The following PSME4 variants were observed in gnomAD, a reference collection of about 807,000 sequenced individuals.
PSME4 encodes proteasome activator complex subunit 4.
Under a neutral mutation model 253.9 loss-of-function variants are expected in PSME4, and 89 were observed. The ratio of observed to expected loss-of-function variants is 0.35; its 90% CI spans 0.30 to 0.42. The LOEUF (loss-of-function observed/expected upper bound fraction) is 0.42, where lower values mean the gene tolerates loss of function less well. Ranked by LOEUF, PSME4 falls within the 10% of genes least tolerant of loss-of-function variation. The pLI is 1.00. For missense variants in PSME4, 2,014 were observed against 2,195.2 expected, an observed-to-expected ratio of 0.92 and a Z score of 1.65; for synonymous variants, 851 against 759.2, an observed-to-expected ratio of 1.12 and a Z score of -1.99.
chr2:53,871,323 T>A (rs1373554002), intron 43 of PSME4, among the ~76,000 whole-genome samples: 1 of 152,046 alleles, frequency 6.6e-6, no homozygotes, highest in East Asian at 1.9e-4. Flanking sequence ...CGATCTTGGC[T>A]CACTGCAAGC....
Position 53,906,551 on chromosome 2 carries a change from T to C in PSME4, c.2943+47A>G, listed in dbSNP as rs368572594. The C allele has an allele frequency of 1.9e-5, 27 of 1,455,484 alleles. No individual in the cohort carries two copies. The African/African-American group carries it at 2.6e-4, about 14-fold the overall frequency. The allele number at this position is 1,455,484 out of a possible 1,614,324, so 90.2% of individuals were successfully genotyped here. A position where few individuals can be genotyped will look rare whatever the true frequency, so the allele number is the denominator to read the frequency against. Reference sequence around the variant, plus strand: ...AAAAGGGGGATATTAAGATTGCATGTAATAAAATGGGAGGGCATGAGAGTG... The same window carrying C: ...AAAAGGGGGATATTAAGATTGCATGCAATAAAATGGGAGGGCATGAGAGTG... On this transcript the variant is annotated intron_variant, in intron 26 of 46. Transcript: ENST00000404125.
chr2:53,922,580 A>G lies in PSME4; in HGVS notation c.1983T>C (p.Asp661=), dbSNP rs1668375444. The change falls in exon 17 of 47, where the codon GAT becomes GAC. Residue 661 remains aspartate (D), a synonymous_variant. Transcript: ENST00000404125. ...CSVITQLTMN[D]DVLNDEELDK... Reference sequence around the variant, plus strand: ...CTAGCTCTTCATCATTTAATACATCATCATCTAAAAACAGCAAAATACTAT... The same window carrying G: ...CTAGCTCTTCATCATTTAATACATCGTCATCTAAAAACAGCAAAATACTAT... 1 of 1,612,238 alleles carries G rather than the reference A, an allele frequency of 6.2e-7. No individual in the cohort carries two copies. The highest frequency in any genetic ancestry group is 8.5e-7 in the Non-Finnish European group (1 of 1,179,418).
intron 43 of PSME4, chr2:53,869,859 A>C: frequency 5.9e-6 from 1 of 169,670 alleles, no homozygotes; most frequent in Non-Finnish European, 1.3e-5. Flanking sequence ...AGAACCTGAC[A>C]TTAAGATCAA....
At chr2:53,964,180 A>G (rs1670613832) in intron 1 of PSME4, among the ~76,000 whole-genome samples, 1 of 152,230 alleles carries the variant, frequency 6.6e-6, no homozygotes, top group African/African-American at 2.4e-5. Context: ...TCTGGAAAAC[A>G]GTAAGGGCCT....
chr2:53,936,829 TA>T lies in PSME4; in HGVS notation c.696-3del. 1 of 1,585,372 alleles carries T rather than the reference TA, an allele frequency of 6.3e-7. No homozygotes were observed. The highest frequency in any genetic ancestry group is 8.6e-7 in the Non-Finnish European group (1 of 1,166,026). On this transcript the variant is annotated splice_region_variant and splice_polypyrimidine_tract_variant and intron_variant, in intron 5 of 46. Coordinates refer to ENST00000404125, the MANE Select transcript of PSME4 (RefSeq NM_014614.3). ...CCAATTAATTCATCAAACCAAAGTC[TA>T]AAGAAGAAAAATGTTGTTATGAATA... is the stretch of plus-strand genomic sequence containing the variant.
intron 26 of PSME4, among the ~76,000 whole-genome samples, chr2:53,905,623 G>A (rs1342279109): frequency 1.3e-5 from 2 of 152,130 alleles, no homozygotes; most frequent in African/African-American, 4.8e-5. Context: ...GATCGCTTGA[G>A]CTCAAGCCCA....
chr2:53,885,167 CCT>C (rs928251546), intron 41 of PSME4, among the ~76,000 whole-genome samples: 4 of 152,154 alleles, frequency 2.6e-5, no homozygotes, highest in African/African-American at 4.8e-5. Flanking sequence ...AGCTGCATCC[CCT>C]GAGTAGATGA....
chr2:53,925,140 T>G (rs1385453139), intron 14 of PSME4, among the ~76,000 whole-genome samples: 17 of 152,172 alleles, frequency 1.1e-4, no homozygotes. Context: ...TTGACATTTT[T>G]AAACAGCAGA....
intron 43 of PSME4, among the ~76,000 whole-genome samples, 180 bp downstream of exon 43, chr2:53,874,159 T>C (rs993405583): frequency 2.0e-5 from 3 of 152,146 alleles, no homozygotes; most frequent in South Asian, 2.1e-4. Flanking sequence ...ACAGTCTTGC[T>C]ACGTTGTCCA....
intron 20 of PSME4, 41 bp from the exon 21 acceptor site, chr2:53,910,171 A>G (rs1255083549): frequency 6.7e-7 from 1 of 1,484,212 alleles, no homozygotes; most frequent in Non-Finnish European, 9.4e-7. Context: ...TAATAATACC[A>G]ATATGAAGTA....
intron 43 of PSME4, among the ~76,000 whole-genome samples, chr2:53,872,898 A>T (rs967341463): frequency 6.5e-4 from 49 of 74,860 alleles, no homozygotes; most frequent in African/African-American, 1.7e-3. Context: ...TAAGAAATTA[A>T]AAAAAAAAAA....
At chr2:53,892,374 C>T (rs183792105) in intron 36 of PSME4, among the ~76,000 whole-genome samples, 6 of 152,170 alleles carry the variant, frequency 3.9e-5, no homozygotes, top group African/African-American at 1.4e-4. Flanking sequence ...GAGAGTCAAA[C>T]TCCAACTGTC....
At chr2:53,922,009 A>C (rs1368249798) in intron 17 of PSME4, among the ~76,000 whole-genome samples, 1 of 150,820 alleles carries the variant, frequency 6.6e-6, no homozygotes, top group Non-Finnish European at 1.5e-5. Context: ...CGTCTCTACT[A>C]AAAATACAAA....
chr2:53,896,390 T>C (rs964647893), intron 32 of PSME4, among the ~76,000 whole-genome samples: 2 of 152,176 alleles, frequency 1.3e-5, no homozygotes, highest in African/African-American at 4.8e-5. Context: ...TTAAATGCAA[T>C]GTTTTAATCC....
intron 1 of PSME4, among the ~76,000 whole-genome samples, chr2:53,961,153 T>G (rs896575958): frequency 6.6e-6 from 1 of 152,138 alleles, no homozygotes; most frequent in East Asian, 1.9e-4. Flanking sequence ...AATACAGAAG[T>G]AGTCAACCTC....
At chr2:53,893,095 T>C (rs1679983986) in intron 35 of PSME4, 135 bp from the exon 36 acceptor site, 4 of 635,258 alleles carry the variant, frequency 6.3e-6, no homozygotes, top group Admixed American at 3.6e-5. Context: ...GCTTTAACAA[T>C]TGCGGTAAGT....
chr2:53,870,725 G>A (rs1052402147), intron 43 of PSME4: 1 of 151,930 alleles, frequency 6.6e-6, no homozygotes, highest in African/African-American at 2.4e-5. Context: ...CATATTCTCA[G>A]TACTATGCTA....
At chr2:53,962,935 AG>A (rs773290291) in intron 1 of PSME4, among the ~76,000 whole-genome samples, 37 of 151,868 alleles carry the variant, frequency 2.4e-4, no homozygotes, top group Admixed American at 1.2e-3. Context: ...ACTTGAACCC[AG>A]GAAGTGGAGG....
chr2:53,936,061 AT>A (rs765587946), intron 7 of PSME4, 25 bp downstream of exon 7: 21 of 1,605,640 alleles, frequency 1.3e-5, no homozygotes, highest in African/African-American at 4.0e-5. Context: ...ATGCCTGATA[AT>A]TTTTTTCCCC....
Sources: allele counts gnomAD v4.1 joint callset (sites outside exome capture counted in the v4.1 genomes callset), GRCh38; gene constraint gnomAD v4.1.1; transcripts MANE v1.5; gene names NCBI Gene and HGNC (gene_info 2026-07-23, HGNC 2026-07-21).